Variants in CMYA5 observed in about 807,000 individuals in gnomAD.
CMYA5 encodes cardiomyopathy-associated protein 5.
Under a neutral mutation model 318.9 loss-of-function variants are expected in CMYA5, and 246 were observed. The ratio of observed to expected loss-of-function variants is 0.77; its 90% confidence interval spans 0.70 to 0.86. CMYA5 has a LOEUF of 0.86. CMYA5 is among the 40% of genes least tolerant of loss of function. CMYA5 has a pLI of 0.00. For synonymous variants in CMYA5, 1,641 were observed against 1,729.5 expected (o/e 0.95, Z 1.27); for missense variants, 4,589 against 4,678.2 (o/e 0.98, Z 0.56).
Position 79,732,699 on chromosome 5 carries a change from A to T in CMYA5, c.3934A>T (p.Thr1312Ser). ...EMKHDSKITT[T>S]PIVLHSASSG... is the part of the protein sequence containing the mutation. ...GAAACATGATTCCAAAATAACAACTACACCTATAGTGCTTCATTCAGCTTC... is the reference window on the plus strand; with the variant it reads ...GAAACATGATTCCAAAATAACAACTTCACCTATAGTGCTTCATTCAGCTTC... The change falls in exon 2 of 13, where the codon ACA (threonine) becomes TCA (serine). Residue 1312 changes from threonine (T) to serine (S), a missense_variant. Physicochemically the swap from Thr to Ser is moderately conservative, Grantham distance 58 (BLOSUM62 1). Around this residue, in one of 3 missense-constraint regions of CMYA5, gnomAD observed 2,132 missense variants for 2,131.3 expected, o/e 1.00. Coordinates refer to ENST00000446378, the MANE Select transcript of CMYA5 (RefSeq NM_153610.5). 1 of 1,613,456 alleles carries T rather than the reference A, an allele frequency of 6.2e-7. No homozygotes were observed. Among genetic ancestry groups the T allele is most frequent in the East Asian group, 2.2e-5 (1 of 44,858 alleles).
intron 1 of CMYA5, among the ~76,000 whole-genome samples, chr5:79,722,676 CAAA>C (rs1264491231): frequency 0.055 from 4,023 of 73,552 alleles, 122 homozygotes; most frequent in African/African-American, 0.17. Flanking sequence ...GACTCTGTCT[CAAA>C]AAAAAAAAAA....
At chr5:79,762,345 G>GA in intron 8 of CMYA5, 1 of 166,512 alleles carries the variant, frequency 6.0e-6, no homozygotes, top group East Asian at 1.7e-4. Context: ...TATTCCACTT[G>GA]AAAAAGACAT....
chr5:79,692,142 TA>T (rs1826981203), intron 1 of CMYA5, among the ~76,000 whole-genome samples: 1 of 152,130 alleles, frequency 6.6e-6, no homozygotes, highest in Non-Finnish European at 1.5e-5. Flanking sequence ...AGAGTTGTTC[TA>T]TCAGTAATTC....
Position 79,736,162 on chromosome 5 carries a change from C to G in CMYA5, c.7397C>G (p.Thr2466Ser). The change falls in exon 2 of 13, where the codon ACC (threonine) becomes AGC (serine). Residue 2466 changes from threonine (T) to serine (S), a missense_variant. Around this residue, in one of 3 missense-constraint regions of CMYA5, gnomAD observed 2,431 missense variants for 2,495.1 expected, o/e 0.97. Coordinates refer to ENST00000446378, the MANE Select transcript of CMYA5 (RefSeq NM_153610.5). Reference sequence around the variant, plus strand: ...GATAATTTGGAAAACAGATCATATACCTTGGCAGAAAAGAAGGTGCTGGCA... The same window carrying G: ...GATAATTTGGAAAACAGATCATATAGCTTGGCAGAAAAGAAGGTGCTGGCA... Reference protein sequence around the residue: ...KKDNLENRSYTLAEKKVLAEK... With the variant: ...KKDNLENRSYSLAEKKVLAEK... 6.2e-7 allele frequency: 1 copy of G among 1,613,732 alleles called. No homozygotes were observed. Among genetic ancestry groups the G allele is most frequent in the Non-Finnish European group, 8.5e-7 (1 of 1,179,786 alleles).
chr5:79,751,951 T>C (rs904057688), intron 5 of CMYA5, among the ~76,000 whole-genome samples: 2 of 152,208 alleles, frequency 1.3e-5, no homozygotes, highest in African/African-American at 4.8e-5. Context: ...GTGGGTCTGC[T>C]GGGAAAACCA....
At position 79,795,653 on chromosome 5, in the gene CMYA5, A is replaced by T. The variant is rs145093339; in HGVS notation, c.11963+2043A>T. On this transcript the variant is annotated intron_variant, in intron 12 of 12. Coordinates refer to ENST00000446378, the MANE Select transcript of CMYA5 (RefSeq NM_153610.5). ...CTACAAACATCTACAGTGGTGTCAG[A>T]ACTTGGGTGGGACCACCTGCAGGAC... Among the ~76,000 whole-genome samples the T allele has an allele frequency of 4.6e-3, 704 of 152,276 alleles. 8 individuals carry two copies. Among genetic ancestry groups the T allele is most frequent in the African/African-American group, 0.016 (679 of 41,554 alleles).
At chr5:79,715,704 G>A (rs1827503838) in intron 1 of CMYA5, among the ~76,000 whole-genome samples, 1 of 152,052 alleles carries the variant, frequency 6.6e-6, no homozygotes, top group African/African-American at 2.4e-5. Context: ...CAGCTGTAGA[G>A]CTGGCAGGGC....
At chr5:79,786,110 T>C (rs1829077411) in intron 9 of CMYA5, among the ~76,000 whole-genome samples, 2 of 152,334 alleles carry the variant, frequency 1.3e-5, no homozygotes, top group Middle Eastern at 3.4e-3. Context: ...GCAGTGGAGC[T>C]ACCAAGGGTG....
chr5:79,752,967 A>G (rs1828460567), intron 6 of CMYA5, among the ~76,000 whole-genome samples, 173 bp downstream of exon 6: 1 of 152,178 alleles, frequency 6.6e-6, no homozygotes, highest in South Asian at 2.1e-4. Context: ...CATGGGAGGA[A>G]CATCCCATTT....
Position 79,737,282 on chromosome 5 carries a change from A to C in CMYA5, c.8517A>C (p.Ser2839=), listed in dbSNP as rs2151087890. 2 of 1,613,868 alleles carry C rather than the reference A, an allele frequency of 1.2e-6. 1 individual carries two copies. Among genetic ancestry groups the C allele is most frequent in the Admixed American group, 3.3e-5 (2 of 59,996 alleles). The change falls in exon 2 of 13, where the codon TCA becomes TCC. Residue 2839 remains serine, a synonymous_variant. Coordinates refer to ENST00000446378, the MANE Select transcript of CMYA5 (RefSeq NM_153610.5). ...TGAAGAAAAAAGAAATGCCACGATC[A>C]GAATTGACTCCAGAAAGGCATACAG... The part of the protein sequence containing the change: ...NAVKKKEMPR[S]ELTPERHTVH...
chr5:79,713,977 G>A (rs1340637825), intron 1 of CMYA5, among the ~76,000 whole-genome samples: 2 of 152,124 alleles, frequency 1.3e-5, no homozygotes, highest in Admixed American at 1.3e-4. Context: ...TTAATAACAA[G>A]TCTATGTGTA....
Position 79,734,036 on chromosome 5 carries a change from T to A in CMYA5, c.5271T>A (p.His1757Gln). 5 of 1,613,742 alleles carry A rather than the reference T, an allele frequency of 3.1e-6. No individual in the cohort carries two copies. The highest frequency in any genetic ancestry group is 4.2e-6 in the Non-Finnish European group (5 of 1,179,836). Residue 1757 changes from histidine to glutamine, a missense_variant, in exon 2 of 13, where the codon CAT becomes CAA. By Grantham distance (24) the His-to-Gln change is conservative. Coordinates refer to ENST00000446378, the MANE Select transcript of CMYA5 (RefSeq NM_153610.5). Reference protein sequence around the residue: ...SLKGLSEEVSHPADFKKGGNQ... With the variant: ...SLKGLSEEVSQPADFKKGGNQ... ...AAGGATTATCAGAGGAGGTTAGCCA[T>A]CCAGCCGACTTTAAAAAGGGAGGAA...
intron 5 of CMYA5, among the ~76,000 whole-genome samples, chr5:79,747,682 T>G (rs955511674): frequency 2.0e-5 from 3 of 152,228 alleles, no homozygotes; most frequent in Non-Finnish European, 4.4e-5. Context: ...CAAGAAAACA[T>G]GTTGTCTATA....
rs766469545 is a variant in CMYA5, at chr5:79,736,456, T to C, written c.7691T>C (p.Val2564Ala). 1 of 1,609,702 alleles carries C rather than the reference T, an allele frequency of 6.2e-7. No individual in the cohort carries two copies. The change falls in exon 2 of 13, where the codon GTA becomes GCA. Residue 2564 changes from valine to alanine, a missense_variant. Physicochemically the swap from Val to Ala is moderately conservative, Grantham distance 64. Around this residue, in one of 3 missense-constraint regions of CMYA5, gnomAD observed 2,431 missense variants for 2,495.1 expected, o/e 0.97. Transcript: ENST00000446378. ...GAACATCAGCCTTATTCTGTGAATG[T>C]AGCCGAGTCTATGAGTAGAGAATCA... ...QQEHQPYSVN[V>A]AESMSRESDI...
rs549701685 is a variant in CMYA5 at position 79,776,515 on chromosome 5, G to A, written c.11556-12456G>A. ...TTTCCTTCCCACCCCTTCTTACCCC[G>A]CATTATCTTATGATTATTTTTCCCA... is the stretch of plus-strand genomic sequence containing the variant. On this transcript the variant is annotated intron_variant, in intron 9 of 12. Coordinates refer to ENST00000446378, the MANE Select transcript of CMYA5 (RefSeq NM_153610.5). Among the ~76,000 whole-genome samples the A allele has an allele frequency of 9.3e-5, 14 of 151,138 alleles. No individual in the cohort carries two copies. The South Asian group carries it at 1.1e-3, about 11-fold the overall frequency.
At position 79,737,174 on chromosome 5, in the gene CMYA5, G is replaced by A. The variant is rs771706021; in HGVS notation, c.8409G>A (p.Lys2803=). The change falls in exon 2 of 13, where the codon AAG becomes AAA. Residue 2803 remains lysine, a synonymous_variant. Coordinates refer to ENST00000446378, the MANE Select transcript of CMYA5 (RefSeq NM_153610.5). ...TAGCTCGTCCTTTTGATGAAACTAA[G>A]AGCTCAGAAACACCGCCATATTTGC... ...RTLARPFDET[K]SSETPPYLLS... The A allele has an allele frequency of 1.6e-5, 25 of 1,612,900 alleles. No individual in the cohort carries two copies. In the East Asian group the frequency reaches 2.0e-4, roughly 13 times the overall value.
chr5:79,691,126 G>T (rs1305925933), intron 1 of CMYA5, among the ~76,000 whole-genome samples: 2 of 152,168 alleles, frequency 1.3e-5, no homozygotes, highest in Non-Finnish European at 2.9e-5. Flanking sequence ...CTATATAGAG[G>T]TGGAAGGGAG....
Position 79,793,516 on chromosome 5 carries a change from T to G in CMYA5, c.11869T>G (p.Tyr3957Asp). ...WETTVTDCPA[Y>D]RLGICSSSAV... is the part of the protein sequence containing the mutation. The stretch of plus-strand genomic sequence containing the variant: ...AACCACAGTCACAGACTGCCCAGCA[T>G]ATCGACTCGGCATCTGCTCCAGCTC... The change falls in exon 12 of 13, where the codon TAT becomes GAT. Residue 3957 changes from tyrosine (Y) to aspartate (D), a missense_variant. Coordinates refer to ENST00000446378, the MANE Select transcript of CMYA5 (RefSeq NM_153610.5). The G allele has an allele frequency of 6.2e-7, 1 of 1,613,912 alleles. No individual in the cohort carries two copies. Among genetic ancestry groups the G allele is most frequent in the South Asian group, 1.1e-5 (1 of 91,078 alleles).
rs1449589887 is a variant in CMYA5 at position 79,735,601 on chromosome 5, A to C, written c.6836A>C (p.Lys2279Thr). 1 of 1,613,544 alleles carries C rather than the reference A, an allele frequency of 6.2e-7. No homozygotes were observed. Among genetic ancestry groups the C allele is most frequent in the South Asian group, 1.1e-5 (1 of 90,966 alleles). Residue 2279 changes from lysine (K) to threonine (T), a missense_variant, in exon 2 of 13, where the codon AAA (lysine) becomes ACA (threonine). Coordinates refer to ENST00000446378, the MANE Select transcript of CMYA5 (RefSeq NM_153610.5). ...LSNVEDLQQP[K>T]FISEVSREDY... is the part of the protein sequence containing the mutation. The stretch of plus-strand genomic sequence containing the variant: ...AATGTAGAAGATTTACAACAGCCAA[A>C]ATTCATTTCTGAGGTGTCTAGGGAA...
Sources: gnomAD v4.1 joint callset for allele counts (sites outside exome capture counted in the v4.1 genomes callset) on GRCh38, gnomAD v4.1.1 for gene constraint, gnomAD v4.1.1 regional missense constraint, MANE v1.5 for transcripts, NCBI Gene and HGNC (gene_info 2026-07-23, HGNC 2026-07-21) for gene names.